Variants in NELL1 observed in about 807,000 individuals in gnomAD.
NELL1 encodes the protein neural EGFL like 1.
Under a neutral mutation model 107.4 loss-of-function variants are expected in NELL1, and 76 were observed. The observed-to-expected ratio is 0.71, with a 90% CI of 0.59 to 0.86. NELL1 has a LOEUF of 0.86. Among genes scored for constraint, NELL1 ranks in the 40% least tolerant of loss-of-function variants. The pLI is 0.00. For synonymous variants in NELL1, 353 were observed against 341.2 expected, an observed-to-expected ratio of 1.03 and a Z score of -0.38; for missense variants, 1,024 against 1,005.5, an observed-to-expected ratio of 1.02 and a Z score of -0.25.
At chr11:20,952,079 A>T (rs533555522) in intron 11 of NELL1, among the ~76,000 whole-genome samples, 7 of 152,022 alleles carry the variant, frequency 4.6e-5, no homozygotes, top group Admixed American at 1.3e-4. Flanking sequence ...TGTCAACAAT[A>T]TTGACCATGT....
chr11:21,389,660 C>T (rs1047770526), intron 15 of NELL1, among the ~76,000 whole-genome samples: 1 of 151,776 alleles, frequency 6.6e-6, no homozygotes, highest in African/African-American at 2.4e-5. Flanking sequence ...AAATGTTGTA[C>T]AAATCGAATC....
rs149478143 is a variant in NELL1, at chr11:21,128,754, C to T, written c.1426+15040C>T. ...GTGGTAGTAAATGACTGTTACATCA[C>T]GGCCACCCAGGCTGAGTGGTATACA... On this transcript the variant is annotated intron_variant, in intron 13 of 19. Coordinates refer to ENST00000357134, the MANE Select transcript of NELL1 (RefSeq NM_006157.5). 3.8e-3 allele frequency among the ~76,000 whole-genome samples: 580 copies of T among 152,252 alleles called. 4 individuals carry two copies. The highest frequency in any genetic ancestry group is 0.013 in the African/African-American group (529 of 41,542).
chr11:21,506,304 A>T (rs1291289023), intron 15 of NELL1, among the ~76,000 whole-genome samples: 1 of 152,194 alleles, frequency 6.6e-6, no homozygotes, highest in East Asian at 1.9e-4. Context: ...TGTTCAGCAC[A>T]ATAATATCTC....
intron 13 of NELL1, among the ~76,000 whole-genome samples, chr11:21,200,222 C>T (rs1051289031): frequency 6.6e-6 from 1 of 152,178 alleles, no homozygotes; most frequent in African/African-American, 2.4e-5. Flanking sequence ...AATCGCCACA[C>T]TGTCTTCCAC....
intron 14 of NELL1, among the ~76,000 whole-genome samples, chr11:21,343,611 G>A (rs1013418875): frequency 2.3e-4 from 35 of 152,162 alleles, no homozygotes; most frequent in African/African-American, 7.2e-4. Context: ...AAAGAACCAG[G>A]TATTAGATAT....
chr11:21,428,528 C>A (rs1392483117), intron 15 of NELL1, among the ~76,000 whole-genome samples: 1 of 152,122 alleles, frequency 6.6e-6, no homozygotes, highest in African/African-American at 2.4e-5. Flanking sequence ...CTGCAACTCT[C>A]AATTTATTTT....
At chr11:21,104,020 T>C (rs1340737207) in intron 12 of NELL1, among the ~76,000 whole-genome samples, 1 of 152,194 alleles carries the variant, frequency 6.6e-6, no homozygotes, top group Non-Finnish European at 1.5e-5. Flanking sequence ...TCAATATTTT[T>C]TGAATTTCCT....
chr11:20,699,144 G>T (rs1854702945), intron 2 of NELL1, among the ~76,000 whole-genome samples: 1 of 151,432 alleles, frequency 6.6e-6, no homozygotes, highest in Non-Finnish European at 1.5e-5. Context: ...TTGAACCCAG[G>T]AGGCGGAGGT....
intron 2 of NELL1, among the ~76,000 whole-genome samples, chr11:20,705,780 A>G (rs1393875369): frequency 6.6e-6 from 1 of 151,290 alleles, no homozygotes; most frequent in African/African-American, 2.4e-5. Flanking sequence ...ACAAAGGGCT[A>G]ATATCCAGAA....
intron 15 of NELL1, among the ~76,000 whole-genome samples, chr11:21,468,592 C>T (rs1297145453): frequency 1.3e-5 from 2 of 151,796 alleles, no homozygotes; most frequent in Non-Finnish European, 2.9e-5. Flanking sequence ...TTTGTCATTT[C>T]AATAACAAGT....
intron 14 of NELL1, among the ~76,000 whole-genome samples, chr11:21,240,784 A>G (rs1858336685): frequency 5.8e-4 from 81 of 139,760 alleles, no homozygotes; most frequent in African/African-American, 1.1e-3. Flanking sequence ...GGGAGGGGGG[A>G]GTCTATTGGA....
intron 13 of NELL1, among the ~76,000 whole-genome samples, chr11:21,168,357 G>C (rs144907640): frequency 2.4e-4 from 36 of 151,680 alleles, no homozygotes; most frequent in Middle Eastern, 3.4e-3. Flanking sequence ...TCATCTCACT[G>C]TAATTCAGAT....
At chr11:21,331,149 T>C (rs1358033954) in intron 14 of NELL1, among the ~76,000 whole-genome samples, 2 of 152,134 alleles carry the variant, frequency 1.3e-5, no homozygotes, top group African/African-American at 4.8e-5. Context: ...TCTTTAGTAC[T>C]TTGAACATAT....
intron 14 of NELL1, among the ~76,000 whole-genome samples, chr11:21,274,323 A>G (rs1034764931): frequency 2.0e-5 from 3 of 152,190 alleles, no homozygotes; most frequent in African/African-American, 7.2e-5. Flanking sequence ...TAATGGTAAA[A>G]GGATCAATTC....
chr11:21,263,004 C>G (rs944113258), intron 14 of NELL1, among the ~76,000 whole-genome samples: 1 of 151,728 alleles, frequency 6.6e-6, no homozygotes, highest in Non-Finnish European at 1.5e-5. Flanking sequence ...TATCTTGTAA[C>G]CCTTTTCATT....
intron 12 of NELL1, among the ~76,000 whole-genome samples, chr11:21,103,109 TA>T (rs1386792319): frequency 6.6e-6 from 1 of 152,188 alleles, no homozygotes; most frequent in Admixed American, 6.5e-5. Context: ...AAAATGTTTT[TA>T]ATGAACCGAG....
At chr11:21,564,425 C>T (rs1401317222) in intron 17 of NELL1, among the ~76,000 whole-genome samples, 2 of 151,934 alleles carry the variant, frequency 1.3e-5, no homozygotes, top group Non-Finnish European at 2.9e-5. Context: ...TGCCCATTTT[C>T]TCAGGTGAAC....
rs1852097053 is a variant in NELL1 at position 20,996,662 on chromosome 11, C to T, written c.1300+36102C>T. On this transcript the variant is annotated intron_variant, in intron 12 of 19. Coordinates refer to ENST00000357134, the MANE Select transcript of NELL1 (RefSeq NM_006157.5). Reference sequence around the variant, plus strand: ...CAGGAGTTCAGGGACCCTGGATATGCCACATCCCCATTTCTGTTAAATTAC... The same window carrying T: ...CAGGAGTTCAGGGACCCTGGATATGTCACATCCCCATTTCTGTTAAATTAC... Among the ~76,000 whole-genome samples, 3 of 152,146 alleles carry T rather than the reference C, an allele frequency of 2.0e-5. No homozygotes were observed. In the South Asian group the frequency reaches 6.2e-4, roughly 32 times the overall value.
intron 13 of NELL1, among the ~76,000 whole-genome samples, chr11:21,195,951 T>G (rs1284039359): frequency 6.6e-6 from 1 of 152,192 alleles, no homozygotes; most frequent in East Asian, 1.9e-4. Context: ...ACCTCCCACC[T>G]TGGATTTTCC....
Sources: allele counts gnomAD v4.1 joint callset (sites outside exome capture counted in the v4.1 genomes callset), GRCh38; gene constraint gnomAD v4.1.1; transcripts MANE v1.5; gene names NCBI Gene and HGNC (gene_info 2026-07-23, HGNC 2026-07-21).